Variants in METRN observed in about 807,000 individuals in gnomAD.
METRN encodes the protein meteorin.
A neutral mutation model predicts 17.4 loss-of-function variants in METRN; 17 were observed. That is an observed-to-expected ratio of 0.98 (90% CI 0.67 to 1.46). The LOEUF (loss-of-function observed/expected upper bound fraction) is 1.46. Ranked by LOEUF, METRN falls within the 40% of genes most tolerant of loss-of-function variation. The probability of loss-of-function intolerance (pLI) is 0.00; values close to 1 mark genes in which losing one functional copy is unlikely to be tolerated. For synonymous variants in METRN, 230 were observed against 210.8 expected, an observed-to-expected ratio of 1.09 and a Z score of -0.79; for missense variants, 489 against 456.2, an observed-to-expected ratio of 1.07 and a Z score of -0.65.
At chr16:716,061 G>C in intron 2 of METRN, 77 bp downstream of exon 2, 1 of 1,369,300 alleles carries the variant, frequency 7.3e-7, no homozygotes, top group Non-Finnish European at 9.4e-7. Context: ...AATGTGCCTT[G>C]TCGGCCCCAC....
intron 3 of METRN, 24 bp downstream of exon 3, chr16:717,016 A>C (rs751610464): frequency 6.2e-7 from 1 of 1,610,168 alleles, no homozygotes; most frequent in Admixed American, 1.7e-5. Context: ...CCATGGGGGG[A>C]GCCTGGAGCC....
chr16:717,372 G>A lies in METRN; in HGVS notation c.867G>A (p.Glu289=). The change falls in exon 4 of 4, where the codon GAG becomes GAA. Residue 289 remains glutamate, a synonymous_variant. Transcript: ENST00000568223. ...AARAAHLHPC[E]VALH The stretch of plus-strand genomic sequence containing the variant: ...GTGCTGCCCACCTCCACCCCTGCGA[G>A]GTGGCGCTGCACTGAGGGGCTGGGT... The A allele has an allele frequency of 1.5e-5, 22 of 1,458,546 alleles. No homozygotes were observed. Among genetic ancestry groups the A allele is most frequent in the East Asian group, 2.5e-5 (1 of 40,512 alleles). 90.4% of individuals were successfully genotyped at this position (1,458,546 alleles called of 1,614,324 possible).
rs545470659 is a variant in METRN at position 717,567 on chromosome 16, C to A, written c.*180C>A. On this transcript the variant is annotated 3_prime_UTR_variant, in exon 4 of 4. Coordinates refer to ENST00000568223, the MANE Select transcript of METRN (RefSeq NM_024042.4). ...GATGGCTCCAATTCCTGCCTCCTGG[C>A]GGGAGACTGAGGCTCAGGGGAATGG... The A allele has an allele frequency of 6.0e-6, 3 of 500,566 alleles. No individual in the cohort carries two copies. Among genetic ancestry groups the A allele is most frequent in the East Asian group, 7.0e-5 (2 of 28,680 alleles). The allele number at this position is 500,566 out of a possible 1,614,324, so 31.0% of individuals were successfully genotyped here. A position where few individuals can be genotyped will look rare whatever the true frequency, so the allele number is the denominator to read the frequency against.
chr16:716,344 T>TC, intron 2 of METRN: 1 of 1,401,934 alleles, frequency 7.1e-7, no homozygotes, highest in Non-Finnish European at 9.2e-7. Flanking sequence ...CTCTCTCCCC[T>TC]CCCCCAGCCC....
At position 715,771 on chromosome 16, in the gene METRN, C is replaced by A; in HGVS notation, c.292C>A (p.Arg98Ser). 7.9e-7 allele frequency: 1 copy of A among 1,263,232 alleles called. No individual in the cohort carries two copies. The highest frequency in any genetic ancestry group is 2.8e-5 in the South Asian group (1 of 35,108). 78.3% of individuals were successfully genotyped at this position (1,263,232 alleles called of 1,614,324 possible). A position where few individuals can be genotyped will look rare whatever the true frequency, so the allele number is the denominator to read the frequency against. Residue 98 changes from arginine (R) to serine (S), a missense_variant, in exon 2 of 4, where the codon CGC becomes AGC. Coordinates refer to ENST00000568223, the MANE Select transcript of METRN (RefSeq NM_024042.4). The stretch of plus-strand genomic sequence containing the variant: ...CGCGGGCGCCCAGGTCTTCGCGGAG[C>A]GCGCAGGGGGCGCCCTGGAGCTGCT... ...PFAGAQVFAE[R>S]AGGALELLLA...
rs971543082 is a variant in METRN, at chr16:715,145, G to C, written c.-145G>C. ...GGCGGCCCCGGCGCTGGGGCTGCGC[G>C]GCAGGCGGAGCGGCCGCGGGCTTGG... On this transcript the variant is annotated 5_prime_UTR_variant, in exon 1 of 4. Coordinates refer to ENST00000568223, the MANE Select transcript of METRN (RefSeq NM_024042.4). The C allele has an allele frequency of 8.7e-5, 15 of 171,864 alleles. 1 individual carries two copies. The highest frequency in any genetic ancestry group is 3.9e-4 in the East Asian group (2 of 5,166). 10.6% of individuals were successfully genotyped at this position (171,864 alleles called of 1,614,324 possible). A position where few individuals can be genotyped will look rare whatever the true frequency, so the allele number is the denominator to read the frequency against.
rs907326918 is a variant in METRN, at chr16:718,543, G to A, written c.*1156G>A. The A allele has an allele frequency of 1.3e-5, 2 of 152,342 alleles. No individual in the cohort carries two copies. Among genetic ancestry groups the A allele is most frequent in the Admixed American group, 6.5e-5 (1 of 15,288 alleles). The allele number at this position is 152,342 out of a possible 1,614,324, so 9.4% of individuals were successfully genotyped here. A position where few individuals can be genotyped will look rare whatever the true frequency, so the allele number is the denominator to read the frequency against. On this transcript the variant is annotated 3_prime_UTR_variant, in exon 4 of 4. Transcript: ENST00000568223. ...GCCCACAAACACGGTCCTTTCTCTA[G>A]GTTAGCGGATGCAGATGCCTGATGA...
intron 2 of METRN, chr16:716,389 A>G (rs547517992): frequency 7.0e-7 from 1 of 1,425,768 alleles, no homozygotes; most frequent in East Asian, 2.5e-5. Flanking sequence ...CCCGGTCACC[A>G]TGGAGACGCC....
At position 715,713 on chromosome 16, in the gene METRN, C is replaced by T. The variant is rs771715351; in HGVS notation, c.234C>T (p.Pro78=). Residue 78 remains proline, a synonymous_variant, in exon 2 of 4, where the codon CCC becomes CCT. Coordinates refer to ENST00000568223, the MANE Select transcript of METRN (RefSeq NM_024042.4). ...TLGGPDPRAR[P]GIACLRPVRP... ...GCGGCCCCGATCCCAGAGCGCGGCC[C>T]GGCATCGCCTGTCTGCGGCCGGTGC... 8.0e-6 allele frequency: 11 copies of T among 1,371,484 alleles called. No individual in the cohort carries two copies. The African/African-American group carries it at 9.2e-5, about 11-fold the overall frequency. The allele number at this position is 1,371,484 out of a possible 1,614,324, so 85.0% of individuals were successfully genotyped here. A position where few individuals can be genotyped will look rare whatever the true frequency, so the allele number is the denominator to read the frequency against.
At position 716,021 on chromosome 16, in the gene METRN, C is replaced by A; in HGVS notation, c.505+37C>A. On this transcript the variant is annotated intron_variant, in intron 2 of 3. Coordinates refer to ENST00000568223, the MANE Select transcript of METRN (RefSeq NM_024042.4). ...TCTGGTTGGGACAGGGTGGGAGTCC[C>A]GAAGTCTTACCCTGCCTGGGCTTGG... 2.1e-6 allele frequency: 3 copies of A among 1,419,366 alleles called. No homozygotes were observed. In the South Asian group the frequency reaches 4.3e-5, roughly 20 times the overall value. 87.9% of individuals were successfully genotyped at this position (1,419,366 alleles called of 1,614,324 possible). A position where few individuals can be genotyped will look rare whatever the true frequency, so the allele number is the denominator to read the frequency against.
rs1324108244 is a variant in METRN at position 717,198 on chromosome 16, G to C, written c.693G>C (p.Gln231His). ...TCCAGGCGGGGCGATCCGGGGACCA[G>C]GGGCTGACCTCCATTCGTACCCCAC... Reference protein sequence around the residue: ...PLFQAGRSGDQGLTSIRTPLR... With the variant: ...PLFQAGRSGDHGLTSIRTPLR... The change falls in exon 4 of 4, where the codon CAG becomes CAC. Residue 231 changes from glutamine to histidine, a missense_variant. By Grantham distance (24) the Gln-to-His change is conservative. Transcript: ENST00000568223. 3 of 1,599,434 alleles carry C rather than the reference G, an allele frequency of 1.9e-6. No individual in the cohort carries two copies. Among genetic ancestry groups the C allele is most frequent in the African/African-American group, 2.7e-5 (2 of 74,708 alleles).
Position 715,778 on chromosome 16 carries a change from G to A in METRN, c.299G>A (p.Gly100Glu), listed in dbSNP as rs1315642559. ...GCCCAGGTCTTCGCGGAGCGCGCAG[G>A]GGGCGCCCTGGAGCTGCTGCTGGCC... ...AGAQVFAERAGGALELLLAEG... is the reference protein window; with the variant it reads ...AGAQVFAERAEGALELLLAEG... Residue 100 changes from glycine (G) to glutamate (E), a missense_variant, in exon 2 of 4, where the codon GGG becomes GAG. Transcript: ENST00000568223. 3.2e-6 allele frequency: 4 copies of A among 1,260,326 alleles called. No individual in the cohort carries two copies. The East Asian group carries it at 9.7e-5, about 31-fold the overall frequency. 78.1% of individuals were successfully genotyped at this position (1,260,326 alleles called of 1,614,324 possible). A position where few individuals can be genotyped will look rare whatever the true frequency, so the allele number is the denominator to read the frequency against.
rs750187382 is a variant in METRN, at chr16:716,871, G to A, written c.506-62G>A. ...CCTGCCGCTTGTGCGGACAAGGGAC[G>A]GGGCCTGGGGTGATGCCGGGAGAGG... On this transcript the variant is annotated intron_variant, in intron 2 of 3. Transcript: ENST00000568223. 277 of 1,497,248 alleles carry A rather than the reference G, an allele frequency of 1.9e-4. 1 individual carries two copies. Among genetic ancestry groups the A allele is most frequent in the Non-Finnish European group, 2.2e-4 (250 of 1,117,774 alleles). 92.7% of individuals were successfully genotyped at this position (1,497,248 alleles called of 1,614,324 possible). A position where few individuals can be genotyped will look rare whatever the true frequency, so the allele number is the denominator to read the frequency against.
rs1372815868 is a variant in METRN, at chr16:717,458, C to G, written c.*71C>G. 6.9e-6 allele frequency: 9 copies of G among 1,298,714 alleles called. No individual in the cohort carries two copies. The highest frequency in any genetic ancestry group is 9.0e-6 in the Non-Finnish European group (9 of 997,956). 80.4% of individuals were successfully genotyped at this position (1,298,714 alleles called of 1,614,324 possible). On this transcript the variant is annotated 3_prime_UTR_variant, in exon 4 of 4. Coordinates refer to ENST00000568223, the MANE Select transcript of METRN (RefSeq NM_024042.4). ...ACTGCTTTGGAGGTGATGGGACTATCAATAAGAACTCTGTTCACGCAAGCT... is the reference window on the plus strand; with the variant it reads ...ACTGCTTTGGAGGTGATGGGACTATGAATAAGAACTCTGTTCACGCAAGCT...
At position 716,919 on chromosome 16, in the gene METRN, C is replaced by T; in HGVS notation, c.506-14C>T. The T allele has an allele frequency of 2.6e-6, 4 of 1,540,962 alleles. No individual in the cohort carries two copies. The highest frequency in any genetic ancestry group is 3.5e-6 in the Non-Finnish European group (4 of 1,141,584). On this transcript the variant is annotated splice_polypyrimidine_tract_variant and intron_variant, in intron 2 of 3. Transcript: ENST00000568223. ...AGGGCAGGGCCTCTCCTCACCACCC[C>T]CTCTGCATGCCAGGTGCCTGCAGGC...
rs2040187532 is a variant in METRN, at chr16:719,290, G to A, written c.*1903G>A. Reference sequence around the variant, plus strand: ...CACCACGGTGCCCAAATGGGTCTTGGAGCATTAGACCAGGGGCTTCATGCC... The same window carrying A: ...CACCACGGTGCCCAAATGGGTCTTGAAGCATTAGACCAGGGGCTTCATGCC... On this transcript the variant is annotated 3_prime_UTR_variant, in exon 4 of 4. Transcript: ENST00000568223. 1 of 152,304 alleles carries A rather than the reference G, an allele frequency of 6.6e-6. No individual in the cohort carries two copies. 9.4% of individuals were successfully genotyped at this position (152,304 alleles called of 1,614,324 possible).
intron 2 of METRN, chr16:716,245 G>T (rs943036844): frequency 4.1e-6 from 4 of 985,452 alleles, no homozygotes; most frequent in Non-Finnish European, 4.8e-6. Flanking sequence ...CTGGGCCTCT[G>T]GTCCCTGAAC....
Position 716,939 on chromosome 16 carries a change from G to A in METRN, c.512G>A (p.Cys171Tyr). 6.4e-7 allele frequency: 1 copy of A among 1,554,890 alleles called. No homozygotes were observed. Among genetic ancestry groups the A allele is most frequent in the Non-Finnish European group, 8.7e-7 (1 of 1,148,028 alleles). The change falls in exon 3 of 4, where the codon TGC becomes TAC. Residue 171 changes from cysteine to tyrosine, a missense_variant. By Grantham distance (194) the Cys-to-Tyr change is radical. Coordinates refer to ENST00000568223, the MANE Select transcript of METRN (RefSeq NM_024042.4). ...QAHGLGVDGA[C>Y]RPCSDAELLL... is the part of the protein sequence containing the mutation. ...CACCCCCTCTGCATGCCAGGTGCCT[G>A]CAGGCCCTGCAGCGACGCTGAGCTG...
At position 716,913 on chromosome 16, in the gene METRN, C is replaced by T. The variant is rs962841448; in HGVS notation, c.506-20C>T. On this transcript the variant is annotated intron_variant, in intron 2 of 3. Coordinates refer to ENST00000568223, the MANE Select transcript of METRN (RefSeq NM_024042.4). Reference sequence around the variant, plus strand: ...CGGGAGAGGGCAGGGCCTCTCCTCACCACCCCCTCTGCATGCCAGGTGCCT... The same window carrying T: ...CGGGAGAGGGCAGGGCCTCTCCTCATCACCCCCTCTGCATGCCAGGTGCCT... 2 of 1,539,770 alleles carry T rather than the reference C, an allele frequency of 1.3e-6. No homozygotes were observed. Among genetic ancestry groups the T allele is most frequent in the Non-Finnish European group, 8.8e-7 (1 of 1,141,304 alleles).
Sources: gnomAD v4.1 joint callset for allele counts on GRCh38, gnomAD v4.1.1 for gene constraint, MANE v1.5 for transcripts, NCBI Gene and HGNC (gene_info 2026-07-23, HGNC 2026-07-21) for gene names.